Variants in DUT observed in about 807,000 individuals in gnomAD.
DUT encodes deoxyuridine 5'-triphosphate nucleotidohydrolase, mitochondrial.
DUT carries 21 observed loss-of-function variants against 28.8 expected under a neutral mutation model. The ratio of observed to expected loss-of-function variants is 0.73; its 90% CI spans 0.52 to 1.05. DUT has a LOEUF of 1.05. DUT is among the 50% of genes least tolerant of loss of function. DUT has a pLI of 0.00. For missense variants in DUT, 344 were observed against 351.8 expected (o/e 0.98, Z 0.18); for synonymous variants, 147 against 143.7 (o/e 1.02, Z -0.17).
At position 48,338,530 on chromosome 15, in the gene DUT, T is replaced by G. The variant is rs55791122; in HGVS notation, c.556+2440T>G. On this transcript the variant is annotated intron_variant, in intron 4 of 6. Coordinates refer to ENST00000331200, the MANE Select transcript of DUT (RefSeq NM_001025248.2). ...CAAGGACATGCAAATGTCCAACAAA[T>G]GGGAGGAAAAAAATCCAGCCTCACT... is the stretch of plus-strand genomic sequence containing the variant. Among the ~76,000 whole-genome samples the G allele has an allele frequency of 4.9e-3, 747 of 151,816 alleles. 1 individual carries two copies. The highest frequency in any genetic ancestry group is 7.3e-3 in the Non-Finnish European group (497 of 67,902).
At chr15:48,339,631 A>T (rs540542657) in intron 4 of DUT, among the ~76,000 whole-genome samples, 1 of 152,272 alleles carries the variant, frequency 6.6e-6, no homozygotes, top group East Asian at 1.9e-4. Flanking sequence ...TTAATGGTCA[A>T]CTGACGGTGG....
chr15:48,332,805 GTTA>G (rs1952496550), intron 2 of DUT: 4 of 471,454 alleles, frequency 8.5e-6, no homozygotes, highest in Non-Finnish European at 1.7e-5. Context: ...GCCTTAAAAA[GTTA>G]TTTTCTATAC....
At chr15:48,333,021 T>A (rs1384157371) in intron 2 of DUT, among the ~76,000 whole-genome samples, 2 of 152,148 alleles carry the variant, frequency 1.3e-5, no homozygotes, top group Non-Finnish European at 2.9e-5. Context: ...AAGAGCTGAA[T>A]TGATTTCCCC....
chr15:48,331,330 C>G (rs2042404224), upstream of DUT: 3 of 1,442,242 alleles, frequency 2.1e-6, no homozygotes, highest in Non-Finnish European at 2.7e-6. Context: ...ACGGCGCCGT[C>G]TTCCTGGGGC....
intron 2 of DUT, 49 bp downstream of exon 2, chr15:48,332,455 C>A: frequency 6.9e-7 from 1 of 1,439,460 alleles, no homozygotes; most frequent in Non-Finnish European, 9.2e-7. Context: ...CGGCCGTCCG[C>A]TGCCACAGCT....
At chr15:48,341,800 C>A in intron 6 of DUT, 1 of 574,218 alleles carries the variant, frequency 1.7e-6, no homozygotes, top group Non-Finnish European at 3.0e-6. Context: ...GTTATTTAAA[C>A]ATACTGTGAA....
intron 4 of DUT, among the ~76,000 whole-genome samples, chr15:48,336,698 C>G (rs1452719844): frequency 6.6e-6 from 1 of 152,160 alleles, no homozygotes; most frequent in Non-Finnish European, 1.5e-5. Context: ...GATTCAGACC[C>G]CACTTATGTG....
chr15:48,335,202 G>A (rs949803857), intron 3 of DUT, among the ~76,000 whole-genome samples: 3 of 152,168 alleles, frequency 2.0e-5, no homozygotes, highest in Non-Finnish European at 4.4e-5. Flanking sequence ...AGGGGCAGGA[G>A]ATGGAGTGAA....
At chr15:48,338,021 A>G (rs2042492973) in intron 4 of DUT, among the ~76,000 whole-genome samples, 1 of 152,164 alleles carries the variant, frequency 6.6e-6, no homozygotes, top group Admixed American at 6.5e-5. Context: ...GCCAGTTCCA[A>G]TGCATGATTT....
chr15:48,336,176 T>G, intron 4 of DUT, 86 bp downstream of exon 4: 1 of 1,187,238 alleles, frequency 8.4e-7, no homozygotes, highest in Non-Finnish European at 1.2e-6. Context: ...CAGATTTTAT[T>G]TTTAAGAAAA....
intron 4 of DUT, among the ~76,000 whole-genome samples, chr15:48,340,690 C>A (rs1566875202): frequency 6.6e-6 from 1 of 152,126 alleles, no homozygotes; most frequent in Non-Finnish European, 1.5e-5. Context: ...CTATGTGCTA[C>A]AGTCTTCTGA....
At position 48,332,144 on chromosome 15, in the gene DUT, G is replaced by A. The variant is rs1350528425; in HGVS notation, c.281-124G>A. 4.2e-6 allele frequency: 6 copies of A among 1,414,860 alleles called. No individual in the cohort carries two copies. In the Middle Eastern group the frequency reaches 7.8e-4, roughly 184 times the overall value. The allele number at this position is 1,414,860 out of a possible 1,614,324, so 87.6% of individuals were successfully genotyped here. On this transcript the variant is annotated intron_variant, in intron 1 of 6. Coordinates refer to ENST00000331200, the MANE Select transcript of DUT (RefSeq NM_001025248.2). ...TCGTCCCGGGGAGGGGCGGTGGGTGGGGCGGGGCTGGCGGGAAATTTCGGT... is the reference window on the plus strand; with the variant it reads ...TCGTCCCGGGGAGGGGCGGTGGGTGAGGCGGGGCTGGCGGGAAATTTCGGT...
intron 2 of DUT, among the ~76,000 whole-genome samples, chr15:48,333,443 T>C (rs1246292359): frequency 6.6e-6 from 1 of 152,216 alleles, no homozygotes; most frequent in Non-Finnish European, 1.5e-5. Context: ...ATACCTTAAG[T>C]AGACTCCTAA....
In DUT at chr15:48,342,858, C is replaced by T. The variant is rs1312138729; in HGVS notation, c.*780C>T. Reference sequence around the variant, plus strand: ...AATAGGCTGTAATCAAGAAAATATGCCATTTATAGAGATAAGATAAATGAA... The same window carrying T: ...AATAGGCTGTAATCAAGAAAATATGTCATTTATAGAGATAAGATAAATGAA... On this transcript the variant is annotated 3_prime_UTR_variant, in exon 7 of 7. Coordinates refer to ENST00000331200, the MANE Select transcript of DUT (RefSeq NM_001025248.2). 1 of 152,118 alleles carries T rather than the reference C, an allele frequency of 6.6e-6. No individual in the cohort carries two copies. The highest frequency in any genetic ancestry group is 2.4e-5 in the African/African-American group (1 of 41,410). The allele number at this position is 152,118 out of a possible 1,614,324, so 9.4% of individuals were successfully genotyped here.
At chr15:48,341,982 TA>T (rs768587963) in intron 6 of DUT, 39 bp from the exon 7 acceptor site, 23 of 1,511,468 alleles carry the variant, frequency 1.5e-5, no homozygotes, top group South Asian at 7.7e-5. Flanking sequence ...AAGAGGCTCT[TA>T]AAAAAAACTG....
In DUT at chr15:48,331,727, G is replaced by T; in HGVS notation, c.212G>T (p.Ser71Ile). Residue 71 changes from serine (S) to isoleucine (I), a missense_variant, in exon 1 of 7, where the codon AGT becomes ATT. By Grantham distance (142) the Ser-to-Ile change is moderately radical. Coordinates refer to ENST00000331200, the MANE Select transcript of DUT (RefSeq NM_001025248.2). ...CTGAGCCAAGGCTGCCGCGGAGCCA[G>T]TACAGTCGGGGCCGCTGGCTGGAAG... ...GRLSQGCRGA[S>I]TVGAAGWKGE... The T allele has an allele frequency of 6.8e-7, 1 of 1,475,844 alleles. No homozygotes were observed. The allele number at this position is 1,475,844 out of a possible 1,614,324, so 91.4% of individuals were successfully genotyped here.
chr15:48,341,437 CCTT>C, intron 5 of DUT, 74 bp downstream of exon 5: 1 of 1,537,764 alleles, frequency 6.5e-7, no homozygotes, highest in Non-Finnish European at 9.0e-7. Flanking sequence ...AATATTGACT[CCTT>C]TAATTCTCAT....
Position 48,332,423 on chromosome 15 carries a change from C to A in DUT, c.419+17C>A. The A allele has an allele frequency of 1.3e-6, 2 of 1,524,678 alleles. No homozygotes were observed. Among genetic ancestry groups the A allele is most frequent in the East Asian group, 2.4e-5 (1 of 42,200 alleles). 94.4% of individuals were successfully genotyped at this position (1,524,678 alleles called of 1,614,324 possible). On this transcript the variant is annotated intron_variant, in intron 2 of 6. Transcript: ENST00000331200. ...CCTGTACAGGTGAGCGGGGACCTGC[C>A]GGCGAGGAGGCTGGGAAGGGCCGGC... is the stretch of plus-strand genomic sequence containing the variant.
At chr15:48,331,428 T>C (rs940587411), upstream of DUT, 264 of 1,562,876 alleles carry the variant, frequency 1.7e-4, no homozygotes, top group Middle Eastern at 7.5e-4. Context: ...TCCGAGGTCA[T>C]GTTCCCAGGA....
Sources: gnomAD v4.1 joint callset for allele counts (sites outside exome capture counted in the v4.1 genomes callset) on GRCh38, gnomAD v4.1.1 for gene constraint, MANE v1.5 for transcripts, NCBI Gene and HGNC (gene_info 2026-07-23, HGNC 2026-07-21) for gene names.